Variants in ZSWIM6 observed in about 807,000 individuals in gnomAD.
ZSWIM6 encodes zinc finger SWIM domain-containing protein 6.
ZSWIM6 carries 9 observed loss-of-function variants against 113.2 expected under a neutral mutation model. The observed-to-expected ratio is 0.08, with a 90% CI of 0.05 to 0.14. The LOEUF (loss-of-function observed/expected upper bound fraction) is 0.14, where lower values mean the gene tolerates loss of function less well. Ranked by LOEUF, ZSWIM6 falls within the 10% of genes least tolerant of loss-of-function variation. The pLI is 1.00. For missense variants in ZSWIM6, 1,162 were observed against 1,552.2 expected, an observed-to-expected ratio of 0.75 and a Z score of 4.22; for synonymous variants, 611 against 606.5, an observed-to-expected ratio of 1.01 and a Z score of -0.11.
At position 61,421,708 on chromosome 5, in the gene ZSWIM6, C is replaced by G. The variant is rs1746358159; in HGVS notation, c.677-50973C>G. 2.0e-5 allele frequency among the ~76,000 whole-genome samples: 3 copies of G among 152,198 alleles called. No individual in the cohort carries two copies. In the South Asian group the frequency reaches 6.2e-4, roughly 31 times the overall value. On this transcript the variant is annotated intron_variant, in intron 1 of 13. Coordinates refer to ENST00000252744, the MANE Select transcript of ZSWIM6 (RefSeq NM_020928.2). ...ATGAGTTCTCATCATTTAGCTTCCA[C>G]TTATAAGTGAGAACATGTTTTATTT...
intron 7 of ZSWIM6, among the ~76,000 whole-genome samples, chr5:61,528,834 C>T (rs937748485): frequency 1.3e-5 from 2 of 152,158 alleles, no homozygotes; most frequent in East Asian, 1.9e-4. Flanking sequence ...GTGATCCACC[C>T]GCTTCAGCAT....
At chr5:61,461,304 C>CT (rs1291342979) in intron 1 of ZSWIM6, among the ~76,000 whole-genome samples, 7 of 152,172 alleles carry the variant, frequency 4.6e-5, no homozygotes, top group African/African-American at 1.7e-4. Flanking sequence ...GGTTGGCTCT[C>CT]TATTACTGCT....
intron 1 of ZSWIM6, among the ~76,000 whole-genome samples, chr5:61,417,258 C>T (rs1279600663): frequency 6.6e-6 from 1 of 152,190 alleles, no homozygotes; most frequent in African/African-American, 2.4e-5. Flanking sequence ...CAAAGGAGTT[C>T]ACTGCCTATA....
At chr5:61,434,204 TA>T (rs1440438562) in intron 1 of ZSWIM6, among the ~76,000 whole-genome samples, 2 of 147,664 alleles carry the variant, frequency 1.4e-5, no homozygotes, top group African/African-American at 4.9e-5. Context: ...AATATATGTA[TA>T]ATATATATAA....
Position 61,441,192 on chromosome 5 carries a change from G to A in ZSWIM6, c.677-31489G>A, listed in dbSNP as rs187127535. On this transcript the variant is annotated intron_variant, in intron 1 of 13. Coordinates refer to ENST00000252744, the MANE Select transcript of ZSWIM6 (RefSeq NM_020928.2). Reference sequence around the variant, plus strand: ...ATTATGTATAAAAATTAAAATCTCCGGCAGTTTAGGCAGTGGGTCAAAGTT... The same window carrying A: ...ATTATGTATAAAAATTAAAATCTCCAGCAGTTTAGGCAGTGGGTCAAAGTT... Among the ~76,000 whole-genome samples the A allele has an allele frequency of 5.9e-4, 90 of 152,200 alleles. 1 individual carries two copies. The highest frequency in any genetic ancestry group is 1.7e-3 in the South Asian group (8 of 4,812).
chr5:61,486,797 G>T (rs568645489), intron 2 of ZSWIM6, among the ~76,000 whole-genome samples: 37 of 151,784 alleles, frequency 2.4e-4, no homozygotes, highest in Middle Eastern at 3.4e-3. Flanking sequence ...TATTTGTGGG[G>T]TTTTTTTGTT....
chr5:61,405,226 G>C (rs1746020552), intron 1 of ZSWIM6, among the ~76,000 whole-genome samples: 1 of 152,098 alleles, frequency 6.6e-6, no homozygotes. Flanking sequence ...AAGATATGGT[G>C]GGTATACTGT....
chr5:61,462,129 T>C (rs188659617), intron 1 of ZSWIM6, among the ~76,000 whole-genome samples: 2 of 152,338 alleles, frequency 1.3e-5, no homozygotes, highest in Admixed American at 1.3e-4. Context: ...TTCACTTTGC[T>C]TGTCAGGCTA....
intron 4 of ZSWIM6, among the ~76,000 whole-genome samples, chr5:61,496,249 C>T (rs1748312099): frequency 6.6e-6 from 1 of 152,032 alleles, no homozygotes; most frequent in Non-Finnish European, 1.5e-5. Context: ...CCTGTGTGCC[C>T]CCCACCCACT....
chr5:61,505,747 CTCTT>C lies in ZSWIM6; in HGVS notation c.1333+11351_1333+11354del, dbSNP rs1321926302. 1.5e-3 allele frequency among the ~76,000 whole-genome samples: 210 copies of C among 142,284 alleles called. 6 individuals are homozygous for C. Among genetic ancestry groups the C allele is most frequent in the African/African-American group, 4.5e-3 (168 of 37,688 alleles). 93.3% of individuals were successfully genotyped at this position (142,284 alleles called of 152,430 possible). On this transcript the variant is annotated intron_variant, in intron 4 of 13. Coordinates refer to ENST00000252744, the MANE Select transcript of ZSWIM6 (RefSeq NM_020928.2). The stretch of plus-strand genomic sequence containing the variant: ...TCCTTCCCTCTCTCTCTCTCTCTCT[CTCTT>C]TCTTTCTTTCTTTTTTTGAGACAGT...
At chr5:61,382,816 A>AAAAGAAAGAAAGAAAG (rs57053318) in intron 1 of ZSWIM6, among the ~76,000 whole-genome samples, 6 of 150,128 alleles carry the variant, frequency 4.0e-5, no homozygotes, top group Non-Finnish European at 7.4e-5. Flanking sequence ...AAATAAAAAA[A>AAAAGAAAGAAAGAAAG]AAAGAAAGAA....
At chr5:61,444,586 T>A (rs939749581) in intron 1 of ZSWIM6, among the ~76,000 whole-genome samples, 2 of 152,202 alleles carry the variant, frequency 1.3e-5, no homozygotes, top group Admixed American at 6.5e-5. Context: ...AAACCTTTTT[T>A]AATATTTTAT....
At chr5:61,379,973 G>A (rs974308888) in intron 1 of ZSWIM6, among the ~76,000 whole-genome samples, 5 of 152,184 alleles carry the variant, frequency 3.3e-5, no homozygotes, top group Non-Finnish European at 5.9e-5. Context: ...AAGCCTGTTT[G>A]TGTGATATTT....
intron 10 of ZSWIM6, among the ~76,000 whole-genome samples, chr5:61,537,873 T>G (rs1338655466): frequency 3.3e-5 from 5 of 152,260 alleles, no homozygotes; most frequent in Non-Finnish European, 5.9e-5. Context: ...TACTAAGCTT[T>G]TTGGTACTTT....
chr5:61,425,970 G>A (rs1746455984), intron 1 of ZSWIM6, among the ~76,000 whole-genome samples: 1 of 152,224 alleles, frequency 6.6e-6, no homozygotes, highest in South Asian at 2.1e-4. Context: ...GGGGAGTGAT[G>A]TGAGCAGGAT....
chr5:61,477,070 T>C (rs1747725638), intron 2 of ZSWIM6, among the ~76,000 whole-genome samples: 1 of 152,206 alleles, frequency 6.6e-6, no homozygotes, highest in Non-Finnish European at 1.5e-5. Flanking sequence ...TGGATAATAC[T>C]ATAATTGGAG....
At chr5:61,390,274 A>G (rs997576905) in intron 1 of ZSWIM6, among the ~76,000 whole-genome samples, 1 of 152,216 alleles carries the variant, frequency 6.6e-6, no homozygotes, top group African/African-American at 2.4e-5. Context: ...AGGTTGCTGT[A>G]ATTAACCCAT....
At chr5:61,481,242 A>G (rs1009497661) in intron 2 of ZSWIM6, among the ~76,000 whole-genome samples, 4 of 152,224 alleles carry the variant, frequency 2.6e-5, no homozygotes, top group Non-Finnish European at 4.4e-5. Flanking sequence ...CATGCACCAG[A>G]CACAGCATAA....
intron 4 of ZSWIM6, among the ~76,000 whole-genome samples, chr5:61,509,973 G>A (rs1298666356): frequency 2.0e-5 from 3 of 151,712 alleles, no homozygotes; most frequent in African/African-American, 7.3e-5. Context: ...TGGTTTGCAG[G>A]AGTGCACCTT....
Sources: gnomAD v4.1 joint callset for allele counts (sites outside exome capture counted in the v4.1 genomes callset) on GRCh38, gnomAD v4.1.1 for gene constraint, MANE v1.5 for transcripts, NCBI Gene and HGNC (gene_info 2026-07-23, HGNC 2026-07-21) for gene names.